Variants in SIDT1 observed in about 807,000 individuals in gnomAD.
SIDT1 encodes the protein SID1 transmembrane family member 1.
A neutral mutation model predicts 107.5 loss-of-function variants in SIDT1; 101 were observed. That is an observed-to-expected ratio of 0.94 (90% CI 0.80 to 1.11). The LOEUF is 1.11. Ranked by LOEUF, SIDT1 falls within the 50% of genes least tolerant of loss-of-function variation. The pLI, the probability that SIDT1 is intolerant of heterozygous loss-of-function variation, is 0.00. For missense variants in SIDT1, 1,076 were observed against 1,058.2 expected (o/e 1.02, Z -0.23); for synonymous variants, 395 against 398.2 (o/e 0.99, Z 0.10).
rs117829067 is a variant in SIDT1 at position 113,624,697 on chromosome 3, C to G, written c.2307+964C>G. Among the ~76,000 whole-genome samples the G allele has an allele frequency of 5.4e-3, 826 of 152,268 alleles. 14 individuals are homozygous for G. Among genetic ancestry groups the G allele is most frequent in the Admixed American group, 0.032 (496 of 15,294 alleles). On this transcript the variant is annotated intron_variant, in intron 23 of 24. Transcript: ENST00000264852. ...TTTTCCCCTCATCTCCCTCTCCCCC[C>G]ACCCTTCCTGGACTCTGGTAACCAC...
rs1195972557 is a variant in SIDT1 at position 113,628,879 on chromosome 3, T to A, written c.*1171T>A. The A allele has an allele frequency of 6.6e-6, 1 of 152,252 alleles. No homozygotes were observed. The highest frequency in any genetic ancestry group is 1.5e-5 in the Non-Finnish European group (1 of 68,062). 9.4% of individuals were successfully genotyped at this position (152,252 alleles called of 1,614,324 possible). On this transcript the variant is annotated 3_prime_UTR_variant, in exon 25 of 25. Coordinates refer to ENST00000264852, the MANE Select transcript of SIDT1 (RefSeq NM_017699.3). ...AGTGCACAGCTAATCTAATGTTGTC[T>A]CTCGGTTGCACCTGACATTCTCTCC...
Position 113,601,631 on chromosome 3 carries a change from A to C in SIDT1, c.1089A>C (p.Thr363=). 1 of 1,613,964 alleles carries C rather than the reference A, an allele frequency of 6.2e-7. No homozygotes were observed. The highest frequency in any genetic ancestry group is 2.2e-5 in the East Asian group (1 of 44,864). The part of the protein sequence containing the change: ...MVASHPIAAS[T]PEGSNYGTID... ...CATCTCATCCCATTGCTGCCAGCAC[A>C]CCCGAAGGGAGCAATTATGGGACAA... Residue 363 remains threonine (T), a synonymous_variant, in exon 11 of 25, where the codon ACA becomes ACC. Coordinates refer to ENST00000264852, the MANE Select transcript of SIDT1 (RefSeq NM_017699.3).
At chr3:113,556,341 A>G in intron 1 of SIDT1, among the ~76,000 whole-genome samples, 1 of 152,180 alleles carries the variant, frequency 6.6e-6, no homozygotes, top group African/African-American at 2.4e-5. Context: ...AGCTCCCTGC[A>G]GTAGTTATGA....
intron 6 of SIDT1, among the ~76,000 whole-genome samples, chr3:113,582,150 T>C (rs1291235812): frequency 6.6e-6 from 1 of 152,212 alleles, no homozygotes; most frequent in African/African-American, 2.4e-5. Flanking sequence ...TTCAAAAGAA[T>C]ATGGACCATA....
chr3:113,611,910 C>CT lies in SIDT1; in HGVS notation c.1858-164dup, dbSNP rs55955952. Among the ~76,000 whole-genome samples the CT allele has an allele frequency of 3.9e-3, 570 of 146,886 alleles. 5 individuals carry two copies. Among genetic ancestry groups the CT allele is most frequent in the African/African-American group, 0.012 (479 of 40,044 alleles). ...TTCCATTTTCATTTGGCCCAGTAGC[C>CT]TTTTTTTTTTTTCCTGTCCCTTGGG... On this transcript the variant is annotated intron_variant, in intron 18 of 24. Transcript: ENST00000264852.
At chr3:113,600,697 G>A (rs1042984673) in intron 10 of SIDT1, among the ~76,000 whole-genome samples, 9 of 152,174 alleles carry the variant, frequency 5.9e-5, no homozygotes, top group Non-Finnish European at 1.3e-4. Context: ...ACATGGCACT[G>A]TTACTGTGCT....
intron 5 of SIDT1, 141 bp from the exon 6 acceptor site, chr3:113,581,220 G>A: frequency 4.4e-6 from 3 of 681,858 alleles, no homozygotes; most frequent in South Asian, 1.7e-5. Context: ...ACTGTTCAAG[G>A]GGGGAAATTG....
intron 9 of SIDT1, among the ~76,000 whole-genome samples, chr3:113,587,861 G>A (rs878887800): frequency 5.9e-5 from 9 of 152,188 alleles, no homozygotes; most frequent in Admixed American, 5.9e-4. Context: ...CAGGCCCTAT[G>A]AGAGATGACA....
rs1434934896 is a variant in SIDT1 at position 113,542,900 on chromosome 3, G to GATT, written c.222+9657_222+9658insATT. Among the ~76,000 whole-genome samples, 319 of 129,484 alleles carry GATT rather than the reference G, an allele frequency of 2.5e-3. 3 individuals carry two copies. The East Asian group carries it at 0.044, about 18-fold the overall frequency. 84.9% of individuals were successfully genotyped at this position (129,484 alleles called of 152,430 possible). The stretch of plus-strand genomic sequence containing the variant: ...AGAGACTTTTAATTAGTTTTTGCTT[G>GATT]GTTGTGTGTGTGTGTGTGTGTGTGT... On this transcript the variant is annotated intron_variant, in intron 1 of 24. Transcript: ENST00000264852.
intron 17 of SIDT1, among the ~76,000 whole-genome samples, 183 bp downstream of exon 17, chr3:113,608,719 A>C (rs1945523602): frequency 6.6e-6 from 1 of 152,192 alleles, no homozygotes; most frequent in Non-Finnish European, 1.5e-5. Flanking sequence ...TTGGGATGAA[A>C]GTTATGGAGA....
At position 113,608,547 on chromosome 3, in the gene SIDT1, C is replaced by T. The variant is rs750422071; in HGVS notation, c.1720+11C>T. The stretch of plus-strand genomic sequence containing the variant: ...CCAACTTCCAATTCGGTAATTAGAA[C>T]TTATATCTACTATACAGATTTGAAT... On this transcript the variant is annotated intron_variant, in intron 17 of 24. Coordinates refer to ENST00000264852, the MANE Select transcript of SIDT1 (RefSeq NM_017699.3). 1.3e-5 allele frequency: 20 copies of T among 1,516,028 alleles called. No homozygotes were observed. In the Middle Eastern group the frequency reaches 5.1e-4, roughly 39 times the overall value. The allele number at this position is 1,516,028 out of a possible 1,614,324, so 93.9% of individuals were successfully genotyped here.
rs1355592625 is a variant in SIDT1 at position 113,623,272 on chromosome 3, G to A, written c.2091-155G>A. 2.5e-4 allele frequency among the ~76,000 whole-genome samples: 36 copies of A among 145,612 alleles called. 1 individual carries two copies. Among genetic ancestry groups the A allele is most frequent in the Non-Finnish European group, 1.5e-4 (10 of 66,716 alleles). On this transcript the variant is annotated intron_variant, in intron 21 of 24. Coordinates refer to ENST00000264852, the MANE Select transcript of SIDT1 (RefSeq NM_017699.3). The stretch of plus-strand genomic sequence containing the variant: ...TTAAAAATCTACTGTTCCATCAGAG[G>A]TAAGAGTTTAAAAAAAAATAAAATG...
At chr3:113,553,734 G>T (rs982425147) in intron 1 of SIDT1, among the ~76,000 whole-genome samples, 2 of 152,164 alleles carry the variant, frequency 1.3e-5, no homozygotes, top group African/African-American at 4.8e-5. Flanking sequence ...TAAAGCCAGA[G>T]GGAGGTCAGT....
At chr3:113,540,004 CA>C (rs573816383) in intron 1 of SIDT1, among the ~76,000 whole-genome samples, 16,691 of 87,238 alleles carry the variant, frequency 0.19, 1,183 homozygotes, top group African/African-American at 0.29. Context: ...AACTCCGTCT[CA>C]AAAAAAAAAA....
chr3:113,588,192 TC>T (rs1560081868), intron 9 of SIDT1, among the ~76,000 whole-genome samples: 3 of 152,344 alleles, frequency 2.0e-5, no homozygotes, highest in African/African-American at 7.2e-5. Flanking sequence ...GGTATAAGGC[TC>T]TATGGAAACT....
chr3:113,605,248 G>A (rs1218934136), intron 14 of SIDT1, among the ~76,000 whole-genome samples: 11 of 150,242 alleles, frequency 7.3e-5, no homozygotes, highest in African/African-American at 2.2e-4. Flanking sequence ...TCAGCCTCCC[G>A]AGTAGCTGGG....
chr3:113,622,130 T>C (rs1465549564), intron 21 of SIDT1, among the ~76,000 whole-genome samples: 1 of 151,976 alleles, frequency 6.6e-6, no homozygotes, highest in Non-Finnish European at 1.5e-5. Context: ...GATAGAGATA[T>C]TGAGATTTTA....
In SIDT1 at chr3:113,576,932, G is replaced by T; in HGVS notation, c.526G>T (p.Ala176Ser). 6.2e-7 allele frequency: 1 copy of T among 1,614,056 alleles called. No homozygotes were observed. The highest frequency in any genetic ancestry group is 8.5e-7 in the Non-Finnish European group (1 of 1,180,004). ...LKHFQLRTNV[A>S]FHFTASPSQP... ...ACTTACGTTTCTCAGGACAAATGTT[G>T]CCTTTCACTTTACTGCCAGCCCCTC... is the stretch of plus-strand genomic sequence containing the variant. Residue 176 changes from alanine to serine, a missense_variant, in exon 4 of 25, where the codon GCC (alanine) becomes TCC (serine). Ala to Ser is a moderately conservative substitution (Grantham distance 99). Transcript: ENST00000264852.
At chr3:113,566,395 T>G in intron 1 of SIDT1, 25 bp from the exon 2 acceptor site, 1 of 1,609,720 alleles carries the variant, frequency 6.2e-7, no homozygotes, top group Middle Eastern at 1.7e-4. Context: ...CGTTTTGCAT[T>G]ACCTCTTTCT....
Sources: allele counts gnomAD v4.1 joint callset (sites outside exome capture counted in the v4.1 genomes callset), GRCh38; gene constraint gnomAD v4.1.1; transcripts MANE v1.5; gene names NCBI Gene and HGNC (gene_info 2026-07-23, HGNC 2026-07-21).